The following HSD17B4 variants were observed in gnomAD, a reference collection of about 807,000 sequenced individuals.
HSD17B4 encodes the protein hydroxysteroid 17-beta dehydrogenase 4, also known as peroxisomal multifunctional enzyme type 2.
HSD17B4 carries 70 observed loss-of-function variants against 101.0 expected under a neutral mutation model. The ratio of observed to expected loss-of-function variants is 0.69; its 90% CI spans 0.57 to 0.85. HSD17B4 has a LOEUF of 0.85. Ranked by LOEUF, HSD17B4 falls within the 40% of genes least tolerant of loss-of-function variation. The pLI, the probability that HSD17B4 is intolerant of heterozygous loss-of-function variation, is 0.00. For missense variants in HSD17B4, 984 were observed against 892.4 expected, an observed-to-expected ratio of 1.10 and a Z score of -1.31; for synonymous variants, 347 against 297.1, an observed-to-expected ratio of 1.17 and a Z score of -1.73.
In HSD17B4 at chr5:119,541,985, C is replaced by G; in HGVS notation, c.2202C>G (p.Ala734=). 3 of 1,607,684 alleles carry G rather than the reference C, an allele frequency of 1.9e-6. No homozygotes were observed. Among genetic ancestry groups the G allele is most frequent in the Non-Finnish European group, 2.6e-6 (3 of 1,174,594 alleles). Residue 734 remains alanine (A), a synonymous_variant, in exon 24 of 24, where the codon GCC becomes GCG. Coordinates refer to ENST00000510025, the MANE Select transcript of HSD17B4 (RefSeq NM_000414.4). ...QKLQMILKDY[A]KL is the part of the protein sequence containing the mutation. Reference sequence around the variant, plus strand: ...TTCAGATGATTCTTAAAGACTACGCCAAGCTCTGAAGGGCACACTACACTA... The same window carrying G: ...TTCAGATGATTCTTAAAGACTACGCGAAGCTCTGAAGGGCACACTACACTA...
At chr5:119,513,440 G>A (rs1299434096) in intron 16 of HSD17B4, among the ~76,000 whole-genome samples, 3 of 152,078 alleles carry the variant, frequency 2.0e-5, no homozygotes, top group African/African-American at 7.2e-5. Context: ...CTGGAGTGCA[G>A]TGGTGCAATC....
chr5:119,538,802 C>G (rs191765268), intron 23 of HSD17B4, among the ~76,000 whole-genome samples: 5 of 152,274 alleles, frequency 3.3e-5, no homozygotes, highest in African/African-American at 1.2e-4. Context: ...TTCATTTCAT[C>G]CAAAGTAGTT....
At chr5:119,496,131 TC>T (rs1750627365) in intron 11 of HSD17B4, among the ~76,000 whole-genome samples, 1 of 152,164 alleles carries the variant, frequency 6.6e-6, no homozygotes, top group Non-Finnish European at 1.5e-5. Context: ...GAGGAGGTAA[TC>T]TTGGCATTCT....
intron 2 of HSD17B4, among the ~76,000 whole-genome samples, chr5:119,461,721 CA>C (rs545291977): frequency 0.046 from 3,467 of 74,894 alleles, 46 homozygotes; most frequent in Middle Eastern, 0.1. Flanking sequence ...CTGTCTTTGC[CA>C]AAAAAAAAAA....
chr5:119,460,505 T>C (rs1755121211), intron 2 of HSD17B4, among the ~76,000 whole-genome samples: 1 of 152,216 alleles, frequency 6.6e-6, no homozygotes, highest in Non-Finnish European at 1.5e-5. Context: ...GAGTAGCTCT[T>C]AGCTATTTGT....
At chr5:119,526,730 T>G (rs891935426) in intron 19 of HSD17B4, among the ~76,000 whole-genome samples, 1 of 151,890 alleles carries the variant, frequency 6.6e-6, no homozygotes, top group Non-Finnish European at 1.5e-5. Context: ...ATATAAAAAA[T>G]TATGAAATAA....
chr5:119,535,054 G>A (rs975558006), intron 22 of HSD17B4, among the ~76,000 whole-genome samples: 7 of 151,950 alleles, frequency 4.6e-5, no homozygotes, highest in African/African-American at 1.7e-4. Context: ...TCCTCAAATT[G>A]TTAAAATTTG....
intron 23 of HSD17B4, 124 bp downstream of exon 23, chr5:119,536,674 A>G (rs181168860): frequency 1.2e-6 from 1 of 836,666 alleles, no homozygotes; most frequent in Non-Finnish European, 2.0e-6. Flanking sequence ...TGAAGATGAC[A>G]CAGTTGCTAC....
intron 12 of HSD17B4, among the ~76,000 whole-genome samples, chr5:119,498,603 C>T (rs902746935): frequency 3.3e-5 from 5 of 152,260 alleles, no homozygotes; most frequent in Non-Finnish European, 5.9e-5. Flanking sequence ...AGGGACTGGG[C>T]GCAGTGGCTC....
At chr5:119,505,022 C>A (rs868096809) in intron 14 of HSD17B4, among the ~76,000 whole-genome samples, 2 of 152,122 alleles carry the variant, frequency 1.3e-5, no homozygotes, top group African/African-American at 4.8e-5. Context: ...TTCCCCATTC[C>A]CTATATTTGT....
At chr5:119,500,476 A>C (rs1007737435) in intron 13 of HSD17B4, among the ~76,000 whole-genome samples, 1 of 152,062 alleles carries the variant, frequency 6.6e-6, no homozygotes, top group Non-Finnish European at 1.5e-5. Context: ...ATTTATTTTA[A>C]GGTGGGGTTG....
rs1425299540 is a variant in HSD17B4 at position 119,536,535 on chromosome 5, G to A, written c.2106G>A (p.Lys702=). 6.2e-7 allele frequency: 1 copy of A among 1,611,988 alleles called. No individual in the cohort carries two copies. Among genetic ancestry groups the A allele is most frequent in the Non-Finnish European group, 8.5e-7 (1 of 1,178,458 alleles). The change falls in exon 23 of 24, where the codon AAG becomes AAA. Residue 702 remains lysine, a synonymous_variant. Coordinates refer to ENST00000510025, the MANE Select transcript of HSD17B4 (RefSeq NM_000414.4). ...ATTTCATGGAGGTGGTCCTGGGCAAGCTTGACCCTCAGAAGGTAATGTTCT... is the reference window on the plus strand; with the variant it reads ...ATTTCATGGAGGTGGTCCTGGGCAAACTTGACCCTCAGAAGGTAATGTTCT... ...DEDFMEVVLG[K]LDPQKAFFSG... is the part of the protein sequence containing the mutation.
chr5:119,534,143 T>G (rs770316789), intron 22 of HSD17B4, among the ~76,000 whole-genome samples: 1 of 152,134 alleles, frequency 6.6e-6, no homozygotes, highest in Non-Finnish European at 1.5e-5. Flanking sequence ...GCAGTTTGGT[T>G]GTTTTCCTCC....
chr5:119,458,437 G>A (rs550263178), intron 2 of HSD17B4, among the ~76,000 whole-genome samples: 2 of 151,762 alleles, frequency 1.3e-5, no homozygotes, highest in East Asian at 1.9e-4. Context: ...TCTGCCTCCG[G>A]GTTCAAGCAG....
intron 4 of HSD17B4, among the ~76,000 whole-genome samples, chr5:119,474,738 C>A (rs1222943766): frequency 6.6e-6 from 1 of 151,902 alleles, no homozygotes; most frequent in Non-Finnish European, 1.5e-5. Context: ...TTCAGTTAAA[C>A]CTCAAAGATG....
At chr5:119,532,904 T>A (rs537392148) in intron 22 of HSD17B4, among the ~76,000 whole-genome samples, 1 of 152,240 alleles carries the variant, frequency 6.6e-6, no homozygotes, top group Non-Finnish European at 1.5e-5. Context: ...AAGTGTGACT[T>A]GAACTTATAT....
At chr5:119,525,060 T>TTTAAC (rs1753455765) in intron 17 of HSD17B4, among the ~76,000 whole-genome samples, 156 bp from the exon 18 acceptor site, 1 of 152,150 alleles carries the variant, frequency 6.6e-6, no homozygotes, top group African/African-American at 2.4e-5. Flanking sequence ...TCATTATAGG[T>TTTAAC]AATCTTTATT....
intron 17 of HSD17B4, among the ~76,000 whole-genome samples, chr5:119,516,602 T>C (rs1752633703): frequency 6.6e-6 from 1 of 152,244 alleles, no homozygotes; most frequent in Non-Finnish European, 1.5e-5. Context: ...CATTTTGTAT[T>C]GTATGATAAT....
At chr5:119,466,191 G>T (rs1376554142) in intron 2 of HSD17B4, among the ~76,000 whole-genome samples, 1 of 152,120 alleles carries the variant, frequency 6.6e-6, no homozygotes, top group Non-Finnish European at 1.5e-5. Context: ...CTTCTAATTG[G>T]ATTCAGTTTG....
Sources: gnomAD v4.1 joint callset for allele counts (sites outside exome capture counted in the v4.1 genomes callset) on GRCh38, gnomAD v4.1.1 for gene constraint, MANE v1.5 for transcripts, NCBI Gene and HGNC (gene_info 2026-07-23, HGNC 2026-07-21) for gene names.